LRRTM4: variants seen among roughly 807,000 people sequenced by gnomAD.
The protein encoded by LRRTM4 is leucine-rich repeat transmembrane neuronal protein 4.
Under a neutral mutation model 47.6 loss-of-function variants are expected in LRRTM4, and 25 were observed. That is an observed-to-expected ratio of 0.53 (90% confidence interval 0.38 to 0.73). The LOEUF (loss-of-function observed/expected upper bound fraction) is 0.73. Among genes scored for constraint, LRRTM4 ranks in the 30% least tolerant of loss-of-function variants. The pLI, the probability that LRRTM4 is intolerant of heterozygous loss-of-function variation, is 0.00. For missense variants in LRRTM4, 638 were observed against 713.4 expected (o/e 0.89, Z 1.20); for synonymous variants, 311 against 269.5 (o/e 1.15, Z -1.51).
At chr2:76,851,985 C>T (rs1028710346) in intron 3 of LRRTM4, among the ~76,000 whole-genome samples, 6 of 151,988 alleles carry the variant, frequency 3.9e-5, no homozygotes, top group African/African-American at 9.7e-5. Context: ...TTTTACATAA[C>T]GTTGAATCAT....
At chr2:77,104,728 C>T (rs966791959) in intron 3 of LRRTM4, among the ~76,000 whole-genome samples, 1 of 152,124 alleles carries the variant, frequency 6.6e-6, no homozygotes, top group Non-Finnish European at 1.5e-5. Context: ...TGAGGACACC[C>T]GCTGAAATCG....
chr2:77,382,040 A>G (rs1443375238), intron 3 of LRRTM4, among the ~76,000 whole-genome samples: 1 of 152,026 alleles, frequency 6.6e-6, no homozygotes, highest in Non-Finnish European at 1.5e-5. Flanking sequence ...CTATTTAGAT[A>G]TTTTCCAGAT....
chr2:76,940,112 T>A (rs992351479), intron 3 of LRRTM4, among the ~76,000 whole-genome samples: 5 of 152,120 alleles, frequency 3.3e-5, no homozygotes, highest in Non-Finnish European at 5.9e-5. Context: ...ACAGAACTAA[T>A]GTTCAACCCA....
Position 77,038,078 on chromosome 2 carries a change from G to A in LRRTM4, c.1552-289162C>T, listed in dbSNP as rs556919375. Among the ~76,000 whole-genome samples, 364 of 151,476 alleles carry A rather than the reference G, an allele frequency of 2.4e-3. 3 individuals carry two copies. Among genetic ancestry groups the A allele is most frequent in the Non-Finnish European group, 3.9e-3 (265 of 67,672 alleles). On this transcript the variant is annotated intron_variant, in intron 3 of 3. Coordinates refer to ENST00000409884, the MANE Select transcript of LRRTM4 (RefSeq NM_001134745.3). ...AGTGATGTGCCCATCTGTTTCTTTT[G>A]TAGACTTCTTTTCTTCCTAAATATT...
chr2:76,956,106 A>C (rs77818076), intron 3 of LRRTM4, among the ~76,000 whole-genome samples: 1 of 151,768 alleles, frequency 6.6e-6, no homozygotes, highest in African/African-American at 2.4e-5. Flanking sequence ...AACACACATT[A>C]GTCAAAAGTG....
At chr2:77,261,179 TA>T (rs57496459) in intron 3 of LRRTM4, among the ~76,000 whole-genome samples, 18,658 of 148,084 alleles carry the variant, frequency 0.13, 3,841 homozygotes, top group African/African-American at 0.43. Flanking sequence ...GGAGTAGTAA[TA>T]AAAAAAAAAG....
At chr2:77,491,541 C>T (rs901151239) in intron 3 of LRRTM4, among the ~76,000 whole-genome samples, 5 of 151,458 alleles carry the variant, frequency 3.3e-5, no homozygotes, top group African/African-American at 4.9e-5. Flanking sequence ...AGTCCTATCA[C>T]GTAGTAATAC....
At chr2:77,241,708 A>T (rs114249983) in intron 3 of LRRTM4, among the ~76,000 whole-genome samples, 2,716 of 152,236 alleles carry the variant, frequency 0.018, 42 homozygotes, top group South Asian at 0.028. Context: ...ATATTCGCTA[A>T]TATATTCACT....
chr2:76,817,979 G>C (rs1359154404), intron 3 of LRRTM4, among the ~76,000 whole-genome samples: 2 of 151,896 alleles, frequency 1.3e-5, no homozygotes, highest in Non-Finnish European at 2.9e-5. Flanking sequence ...GGGGTTTCAT[G>C]CTCTTTTAAA....
At chr2:76,830,507 A>AGTGTGTGT (rs1156915796) in intron 3 of LRRTM4, among the ~76,000 whole-genome samples, 9 of 119,026 alleles carry the variant, frequency 7.6e-5, no homozygotes. Context: ...TATGTGTGGC[A>AGTGTGTGT]GTGTGTGCGT....
intron 3 of LRRTM4, among the ~76,000 whole-genome samples, chr2:77,372,684 C>A (rs1313250409): frequency 1.3e-5 from 2 of 151,702 alleles, no homozygotes; most frequent in African/African-American, 4.8e-5. Flanking sequence ...ATAAGACATA[C>A]AAATGGACCT....
chr2:77,258,367 T>C (rs763170246), intron 3 of LRRTM4, among the ~76,000 whole-genome samples: 2 of 152,100 alleles, frequency 1.3e-5, no homozygotes, highest in South Asian at 2.1e-4. Flanking sequence ...TAGCTCTATA[T>C]CTTGATTGTG....
chr2:77,001,541 A>G (rs17406146), intron 3 of LRRTM4, among the ~76,000 whole-genome samples: 21,282 of 152,046 alleles, frequency 0.14, 1,583 homozygotes, highest in Admixed American at 0.2. Context: ...TTATGGATAG[A>G]AGGCAAGAAC....
chr2:77,457,002 GTGTATATA>G (rs1272218363), intron 3 of LRRTM4, among the ~76,000 whole-genome samples: 2 of 12,590 alleles, frequency 1.6e-4, no homozygotes, highest in African/African-American at 7.6e-4. Flanking sequence ...ATGTGTGTGT[GTGTATATA>G]TATATATATA....
At chr2:77,474,214 T>C (rs947489475) in intron 3 of LRRTM4, among the ~76,000 whole-genome samples, 1 of 151,500 alleles carries the variant, frequency 6.6e-6, no homozygotes, top group Non-Finnish European at 1.5e-5. Context: ...AGAAAAGAAA[T>C]GAGGGAGGGA....
chr2:77,290,206 A>G (rs1008483944), intron 3 of LRRTM4, among the ~76,000 whole-genome samples: 4 of 152,038 alleles, frequency 2.6e-5, no homozygotes, highest in Non-Finnish European at 1.5e-5. Context: ...CAGTCACTAT[A>G]TGATATTAAT....
intron 3 of LRRTM4, among the ~76,000 whole-genome samples, chr2:77,482,182 G>A (rs550909607): frequency 4.1e-5 from 6 of 148,028 alleles, no homozygotes; most frequent in African/African-American, 1.5e-4. Context: ...GACCATAGAG[G>A]ATTCTCACTA....
intron 3 of LRRTM4, among the ~76,000 whole-genome samples, chr2:77,500,294 T>TA (rs1185683828): frequency 6.6e-6 from 1 of 151,692 alleles, no homozygotes; most frequent in African/African-American, 2.4e-5. Context: ...AAGTTTGATT[T>TA]AAAAAAATGT....
At chr2:76,800,883 C>T (rs913718223) in intron 3 of LRRTM4, among the ~76,000 whole-genome samples, 3 of 151,350 alleles carry the variant, frequency 2.0e-5, no homozygotes, top group Non-Finnish European at 4.4e-5. Flanking sequence ...TCAGAAAATG[C>T]AAATGAAAAC....
Sources: gnomAD v4.1 joint callset for allele counts (sites outside exome capture counted in the v4.1 genomes callset) on GRCh38, gnomAD v4.1.1 for gene constraint, MANE v1.5 for transcripts, NCBI Gene and HGNC (gene_info 2026-07-23, HGNC 2026-07-21) for gene names.